AP3B2: variants seen among roughly 807,000 people sequenced by gnomAD.
The protein encoded by AP3B2 is adaptor related protein complex 3 subunit beta 2.
AP3B2 carries 50 observed loss-of-function variants against 126.9 expected under a neutral mutation model. The ratio of observed to expected loss-of-function variants is 0.39; its 90% CI spans 0.31 to 0.50. AP3B2 has a LOEUF of 0.50. Among genes scored for constraint, AP3B2 ranks in the 20% least tolerant of loss-of-function variants. The pLI is 0.79. For synonymous variants in AP3B2, 541 were observed against 565.0 expected (o/e 0.96, Z 0.60); for missense variants, 1,177 against 1,426.4 (o/e 0.83, Z 2.82).
chr15:82,709,562 C>T (rs901090431), intron 1 of AP3B2, 32 bp downstream of exon 1: 305 of 1,463,672 alleles, frequency 2.1e-4, no homozygotes, highest in Non-Finnish European at 2.7e-4. Flanking sequence ...CGGCCCCAAC[C>T]CTCCCGCGAG....
At chr15:82,666,557 G>A (rs546839538) in intron 15 of AP3B2, among the ~76,000 whole-genome samples, 190 bp downstream of exon 15, 11 of 152,310 alleles carry the variant, frequency 7.2e-5, no homozygotes, top group Admixed American at 3.9e-4. Context: ...AGATGATGCT[G>A]GCAGTGGTTA....
At position 82,665,449 on chromosome 15, in the gene AP3B2, C is replaced by T. The variant is rs912644518; in HGVS notation, c.1971+8G>A. 5.6e-6 allele frequency: 9 copies of T among 1,602,910 alleles called. No individual in the cohort carries two copies. The highest frequency in any genetic ancestry group is 2.2e-5 in the South Asian group (2 of 90,684). On this transcript the variant is annotated splice_region_variant and intron_variant, in intron 16 of 26. Coordinates refer to ENST00000535359, the MANE Select transcript of AP3B2 (RefSeq NM_001278512.2). The surrounding 1 kb of genome is among the most constrained non-coding windows in gnomAD (Gnocchi z 4.4). ...CACACACACACTTCAACCCTCCACCCCGCTGACCTCCACGTTGCGCACAGA... is the reference window on the plus strand; with the variant it reads ...CACACACACACTTCAACCCTCCACCTCGCTGACCTCCACGTTGCGCACAGA...
chr15:82,667,687 T>G (rs2048083277), intron 14 of AP3B2, among the ~76,000 whole-genome samples: 1 of 152,232 alleles, frequency 6.6e-6, no homozygotes, highest in Admixed American at 6.5e-5. Flanking sequence ...AACTCTGTGC[T>G]AGGTGCTCCA....
In AP3B2 at chr15:82,709,008, AAAC is replaced by A. The variant is rs529960254; in HGVS notation, c.113+583_113+585del. On this transcript the variant is annotated intron_variant, in intron 1 of 26. Coordinates refer to ENST00000535359, the MANE Select transcript of AP3B2 (RefSeq NM_001278512.2). ...AGAATTTACGAATAAACAAATGAAG[AAAC>A]AAACGAACGAATCAAAGGTGGGGGA... is the stretch of plus-strand genomic sequence containing the variant. Among the ~76,000 whole-genome samples the A allele has an allele frequency of 2.3e-3, 354 of 152,322 alleles. 2 individuals carry two copies. The highest frequency in any genetic ancestry group is 3.3e-3 in the Non-Finnish European group (224 of 68,022).
At position 82,681,201 on chromosome 15, in the gene AP3B2, G is replaced by A. The variant is rs1287955525; in HGVS notation, c.522-23C>T. On this transcript the variant is annotated intron_variant, in intron 5 of 26. Transcript: ENST00000535359. The surrounding 1 kb of genome is among the most constrained non-coding windows in gnomAD (Gnocchi z 4.0). ...AAACTGAGGGAGAAATCGGTGAGGG[G>A]AATTTGCCACTCTCAGCCCCAGCCT... is the stretch of plus-strand genomic sequence containing the variant. The A allele has an allele frequency of 1.9e-6, 3 of 1,602,996 alleles. No homozygotes were observed. Among genetic ancestry groups the A allele is most frequent in the Admixed American group, 1.7e-5 (1 of 58,088 alleles).
chr15:82,692,269 G>A (rs113800314), intron 1 of AP3B2: 3 of 805,650 alleles, frequency 3.7e-6, no homozygotes, highest in African/African-American at 1.8e-5. Flanking sequence ...TTGCGGATCC[G>A]GCCGTACTTG....
chr15:82,688,264 A>G (rs1001598893), intron 4 of AP3B2: 2 of 607,484 alleles, frequency 3.3e-6, no homozygotes, highest in East Asian at 2.7e-5. Flanking sequence ...AGACTTATAC[A>G]TGCACCTAAC....
intron 1 of AP3B2, among the ~76,000 whole-genome samples, chr15:82,698,256 CACAT>C (rs2048660910): frequency 6.6e-6 from 1 of 151,890 alleles, no homozygotes; most frequent in Non-Finnish European, 1.5e-5. Context: ...CACACTCCCC[CACAT>C]ACAGACACCT....
At chr15:82,667,960 C>G (rs2151431944) in intron 14 of AP3B2, among the ~76,000 whole-genome samples, 1 of 152,228 alleles carries the variant, frequency 6.6e-6, no homozygotes, top group East Asian at 1.9e-4. Flanking sequence ...GGTCAACAAG[C>G]AGAATGCCCA....
chr15:82,699,700 G>C, intron 1 of AP3B2: 2 of 399,712 alleles, frequency 5.0e-6, no homozygotes, highest in Non-Finnish European at 8.8e-6. Flanking sequence ...TTCTGGGGTC[G>C]TGTCTTCCTC....
intron 1 of AP3B2, chr15:82,689,834 G>T: frequency 4.9e-6 from 1 of 205,410 alleles, no homozygotes; most frequent in East Asian, 1.2e-4. Flanking sequence ...TGGGTGTGGC[G>T]GCTCACGCCT....
chr15:82,677,220 G>C, intron 13 of AP3B2, 54 bp downstream of exon 13: 6 of 1,412,878 alleles, frequency 4.2e-6, no homozygotes, highest in South Asian at 3.6e-5. Context: ...ATACAGTCTT[G>C]AAATCATGGG....
rs1019493433 is a variant in AP3B2 at position 82,709,538 on chromosome 15, C to T, written c.113+56G>A. On this transcript the variant is annotated intron_variant, in intron 1 of 26. Transcript: ENST00000535359. ...GGGCGCTGTCCATGGTGCCCGCGCG[C>T]CTCGCCCGGTCCCCGGCCCCAACCC... The T allele has an allele frequency of 1.1e-5, 14 of 1,315,544 alleles. 1 individual carries two copies. The highest frequency in any genetic ancestry group is 3.3e-5 in the East Asian group (1 of 30,254). The allele number at this position is 1,315,544 out of a possible 1,614,324, so 81.5% of individuals were successfully genotyped here.
At position 82,681,039 on chromosome 15, in the gene AP3B2, G is replaced by T. The variant is rs752080767; in HGVS notation, c.589-20C>A. 12 of 1,613,414 alleles carry T rather than the reference G, an allele frequency of 7.4e-6. No homozygotes were observed. In the East Asian group the frequency reaches 2.5e-4, roughly 33 times the overall value. On this transcript the variant is annotated intron_variant, in intron 6 of 26. Coordinates refer to ENST00000535359, the MANE Select transcript of AP3B2 (RefSeq NM_001278512.2). This position sits in a 1 kb window ranked among gnomAD's most constrained non-coding sequence, Gnocchi z 4.0. ...CACCAGCTGGGGAAAGAACAAAGAC[G>T]AGAGGGTGAACGCGAAGGGTGGAAG... is the stretch of plus-strand genomic sequence containing the variant.
At position 82,709,587 on chromosome 15, in the gene AP3B2, C is replaced by T. The variant is rs756540347; in HGVS notation, c.113+7G>A. The T allele has an allele frequency of 1.2e-3, 1,726 of 1,494,670 alleles. 4 individuals carry two copies. Among genetic ancestry groups the T allele is most frequent in the Admixed American group, 1.7e-3 (76 of 45,658 alleles). 92.6% of individuals were successfully genotyped at this position (1,494,670 alleles called of 1,614,324 possible). ...CCTCCCGCGAGCTTCCTGGCGGGCT[C>T]CCTCACCGCTTGTAGTCGGAGGAGA... On this transcript the variant is annotated splice_region_variant and intron_variant, in intron 1 of 26. Coordinates refer to ENST00000535359, the MANE Select transcript of AP3B2 (RefSeq NM_001278512.2).
intron 14 of AP3B2, among the ~76,000 whole-genome samples, chr15:82,667,952 T>C (rs544908392): frequency 1.1e-4 from 16 of 152,076 alleles, no homozygotes; most frequent in African/African-American, 3.9e-4. Flanking sequence ...CACCAAGTGG[T>C]CAACAAGCAG....
chr15:82,663,526 C>T (rs1596166961), intron 21 of AP3B2, 34 bp downstream of exon 21: 1 of 1,609,262 alleles, frequency 6.2e-7, no homozygotes. Flanking sequence ...CCCCAGGCCT[C>T]CTTTCCCCTG....
Position 82,681,048 on chromosome 15 carries a change from A to G in AP3B2, c.589-29T>C. 6.2e-7 allele frequency: 1 copy of G among 1,613,540 alleles called. No individual in the cohort carries two copies. The highest frequency in any genetic ancestry group is 8.5e-7 in the Non-Finnish European group (1 of 1,179,858). On this transcript the variant is annotated intron_variant, in intron 6 of 26. Transcript: ENST00000535359. This position sits in a 1 kb window ranked among gnomAD's most constrained non-coding sequence, Gnocchi z 4.0. ...GGGAAAGAACAAAGACGAGAGGGTG[A>G]ACGCGAAGGGTGGAAGGCCGGCTGC...
intron 10 of AP3B2, among the ~76,000 whole-genome samples, chr15:82,679,389 G>C: frequency 6.6e-6 from 1 of 152,208 alleles, no homozygotes; most frequent in East Asian, 1.9e-4. Flanking sequence ...CTCCCAAAGT[G>C]CTGGGATTAG....
Sources: gnomAD v4.1 joint callset for allele counts (sites outside exome capture counted in the v4.1 genomes callset) on GRCh38, gnomAD v4.1.1 for gene constraint, Gnocchi (gnomAD v3.1) non-coding constraint, MANE v1.5 for transcripts, NCBI Gene and HGNC (gene_info 2026-07-23, HGNC 2026-07-21) for gene names.